Variants in ITGB4 observed in about 807,000 individuals in gnomAD.
ITGB4 encodes the protein integrin beta-4.
ITGB4 carries 159 observed loss-of-function variants against 207.6 expected under a neutral mutation model. The observed-to-expected ratio is 0.77, with a 90% CI of 0.67 to 0.87. ITGB4 has a LOEUF of 0.87. Among genes scored for constraint, ITGB4 ranks in the 40% least tolerant of loss-of-function variants. ITGB4 has a pLI of 0.00. For synonymous variants in ITGB4, 1,020 were observed against 1,062.7 expected (o/e 0.96, Z 0.78); for missense variants, 2,278 against 2,546.8 (o/e 0.89, Z 2.27).
chr17:75,749,634 G>C (rs1333259571), intron 27 of ITGB4, among the ~76,000 whole-genome samples: 1 of 152,182 alleles, frequency 6.6e-6, no homozygotes, highest in Non-Finnish European at 1.5e-5. Flanking sequence ...CCACACAATA[G>C]GAATTCTCCC....
intron 32 of ITGB4, 62 bp from the exon 33 acceptor site, chr17:75,753,703 C>A: frequency 8.6e-7 from 1 of 1,162,258 alleles, no homozygotes; most frequent in South Asian, 2.7e-5. Flanking sequence ...CCTTCCCCCG[C>A]CTGGCCCTGC....
In ITGB4 at chr17:75,740,382, T is replaced by C; in HGVS notation, c.2471T>C (p.Leu824Pro). 6.2e-7 allele frequency: 1 copy of C among 1,613,634 alleles called. No homozygotes were observed. The highest frequency in any genetic ancestry group is 8.5e-7 in the Non-Finnish European group (1 of 1,179,978). ...GTGCCCTACGGGCTGTCCTTGCGCC[T>C]GGCCCGCCTTTGCACCGAGAACCTG... is the stretch of plus-strand genomic sequence containing the variant. ...ELVPYGLSLR[L>P]ARLCTENLLK... The change falls in exon 21 of 40, where the codon CTG (leucine) becomes CCG (proline). Residue 824 changes from leucine to proline, a missense_variant. By Grantham distance (98) the Leu-to-Pro change is moderately conservative. Coordinates refer to ENST00000200181, the MANE Select transcript of ITGB4 (RefSeq NM_000213.5). This position sits in a 1 kb window ranked among gnomAD's most constrained non-coding sequence, Gnocchi z 5.9.
At position 75,730,249 on chromosome 17, in the gene ITGB4, T is replaced by C. The variant is rs1369320660; in HGVS notation, c.747T>C (p.Ile249=). The C allele has an allele frequency of 1.2e-6, 2 of 1,612,882 alleles. No homozygotes were observed. The highest frequency in any genetic ancestry group is 2.2e-5 in the South Asian group (2 of 91,072). Residue 249 remains isoleucine, a synonymous_variant, in exon 8 of 40, where the codon ATT becomes ATC. Transcript: ENST00000200181. ...ILQTAVCTRD[I]GWRPDSTHLL... The stretch of plus-strand genomic sequence containing the variant: ...CGCCTTGCCTTCCCCAGAGGGACAT[T>C]GGCTGGCGCCCGGACAGCACCCACC...
rs186515670 is a variant in ITGB4 at position 75,745,314 on chromosome 17, G to A, written c.3111+1453G>A. On this transcript the variant is annotated intron_variant, in intron 26 of 39. Transcript: ENST00000200181. ...AGGCTGAGGCAGGAAGATCACTTGA[G>A]GCCAGGAGGTTGAGGCTACAGTGAG... Among the ~76,000 whole-genome samples, 751 of 152,034 alleles carry A rather than the reference G, an allele frequency of 4.9e-3. 8 individuals are homozygous for A. The highest frequency in any genetic ancestry group is 0.016 in the African/African-American group (672 of 41,482).
At position 75,742,473 on chromosome 17, in the gene ITGB4, C is replaced by T. The variant is rs1386843272; in HGVS notation, c.2766C>T (p.Thr922=). 9.3e-6 allele frequency: 15 copies of T among 1,613,122 alleles called. No individual in the cohort carries two copies. Among genetic ancestry groups the T allele is most frequent in the Non-Finnish European group, 1.3e-5 (15 of 1,179,810 alleles). ...HDLKVAPGYY[T]LTADQDARGM... Reference sequence around the variant, plus strand: ...TCAAGGTGGCCCCCGGCTACTACACCCTCACTGCAGACCAGGGTAGGAGGG... The same window carrying T: ...TCAAGGTGGCCCCCGGCTACTACACTCTCACTGCAGACCAGGGTAGGAGGG... The change falls in exon 24 of 40, where the codon ACC becomes ACT. Residue 922 remains threonine, a synonymous_variant. Transcript: ENST00000200181. This position sits in a 1 kb window ranked among gnomAD's most constrained non-coding sequence, Gnocchi z 5.9.
chr17:75,755,859 T>C lies in ITGB4; in HGVS notation c.4708+9T>C, dbSNP rs1462051912. 6.2e-7 allele frequency: 1 copy of C among 1,601,032 alleles called. No homozygotes were observed. Among genetic ancestry groups the C allele is most frequent in the South Asian group, 1.1e-5 (1 of 90,860 alleles). ...CCAGCTGCTGAACGGCGGTGAGGCA[T>C]GGTGGCTGCCAGGCTGCGGGGTGCA... On this transcript the variant is annotated intron_variant, in intron 35 of 39. Transcript: ENST00000200181.
intron 26 of ITGB4, among the ~76,000 whole-genome samples, chr17:75,748,578 G>A (rs146808096): frequency 4.8e-4 from 72 of 150,966 alleles, no homozygotes; most frequent in African/African-American, 1.6e-3. Context: ...GATGAGGTGT[G>A]AGAATCATTT....
Position 75,751,093 on chromosome 17 carries a change from C to T in ITGB4, c.3775C>T (p.Leu1259=), listed in dbSNP as rs61735290. The change falls in exon 30 of 40, where the codon CTG becomes TTG. Residue 1259 remains leucine, a synonymous_variant. Coordinates refer to ENST00000200181, the MANE Select transcript of ITGB4 (RefSeq NM_000213.5). ...EITAYEVCYG[L]VNDDNRPIGP... ...CACAGCCTACGAGGTCTGCTATGGC[C>T]TGGTCAACGATGACAACCGTAAGAA... 9.3e-6 allele frequency: 15 copies of T among 1,613,718 alleles called. No individual in the cohort carries two copies. The highest frequency in any genetic ancestry group is 1.6e-4 in the Middle Eastern group (1 of 6,084).
chr17:75,730,906 T>A lies in ITGB4; in HGVS notation c.1034T>A (p.Leu345Gln). 1 of 1,613,808 alleles carries A rather than the reference T, an allele frequency of 6.2e-7. No individual in the cohort carries two copies. The highest frequency in any genetic ancestry group is 8.5e-7 in the Non-Finnish European group (1 of 1,179,946). ...KLHTYFPVSSLGVLQEDSSNI... is the reference protein window; with the variant it reads ...KLHTYFPVSSQGVLQEDSSNI... ...CACACCTATTTCCCTGTCTCCTCAC[T>A]GGGGGTGCTGCAGGAGGACTCGTCC... is the stretch of plus-strand genomic sequence containing the variant. The change falls in exon 9 of 40, where the codon CTG (leucine) becomes CAG (glutamine). Residue 345 changes from leucine (L) to glutamine (Q), a missense_variant. Transcript: ENST00000200181.
intron 27 of ITGB4, among the ~76,000 whole-genome samples, chr17:75,749,349 G>A (rs778623525): frequency 2.0e-5 from 3 of 151,950 alleles, no homozygotes; most frequent in Non-Finnish European, 4.4e-5. Context: ...GCAACATAGT[G>A]AGACCTCGTC....
intron 25 of ITGB4, 21 bp from the exon 26 acceptor site, chr17:75,743,692 A>C (rs779790462): frequency 1.2e-6 from 2 of 1,613,318 alleles, no homozygotes; most frequent in Non-Finnish European, 1.7e-6. Flanking sequence ...ACACTCTGAC[A>C]AATGCCCGGG....
chr17:75,724,904 C>G, intron 2 of ITGB4, 122 bp downstream of exon 2: 2 of 817,248 alleles, frequency 2.4e-6, no homozygotes, highest in Non-Finnish European at 4.1e-6. Flanking sequence ...CAACTGACCA[C>G]TGCCCACCTT....
Position 75,739,881 on chromosome 17 carries a change from T to C in ITGB4, c.2256T>C (p.Gly752=), listed in dbSNP as rs1322459343. 6.2e-6 allele frequency: 10 copies of C among 1,613,504 alleles called. No individual in the cohort carries two copies. In the East Asian group the frequency reaches 2.2e-4, roughly 36 times the overall value. The part of the protein sequence containing the change: ...CLALLPCCNR[G]HMVGFKEDHY... ...CGTGCTGAGGACCCCATCCTGCAGG[T>C]CACATGGTGGGCTTTAAGGAAGACC... Residue 752 remains glycine, a splice_region_variant and synonymous_variant, in exon 20 of 40, where the codon GGT becomes GGC. Coordinates refer to ENST00000200181, the MANE Select transcript of ITGB4 (RefSeq NM_000213.5). The surrounding 1 kb of genome is among the most constrained non-coding windows in gnomAD (Gnocchi z 5.4).
rs778353171 is a variant in ITGB4, at chr17:75,756,571, C to T, written c.4851C>T (p.Thr1617=). 2.5e-6 allele frequency: 4 copies of T among 1,613,130 alleles called. No homozygotes were observed. Among genetic ancestry groups the T allele is most frequent in the South Asian group, 2.2e-5 (2 of 91,086 alleles). The change falls in exon 36 of 40, where the codon ACC becomes ACT. Residue 1617 remains threonine (T), a synonymous_variant. Transcript: ENST00000200181. ...GCCGAGAGCGTGAGGGTGTCATCAC[C>T]ATTGAATCCCAGGTGCACCCGCAGA... ...GWGREREGVI[T]IESQVHPQSP... is the part of the protein sequence containing the mutation.
Position 75,740,744 on chromosome 17 carries a change from G to C in ITGB4, c.2551-49G>C, listed in dbSNP as rs748067049. 1.2e-5 allele frequency: 19 copies of C among 1,603,104 alleles called. No individual in the cohort carries two copies. Among genetic ancestry groups the C allele is most frequent in the Admixed American group, 1.7e-5 (1 of 59,996 alleles). On this transcript the variant is annotated intron_variant, in intron 21 of 39. Transcript: ENST00000200181. The surrounding 1 kb of genome is among the most constrained non-coding windows in gnomAD (Gnocchi z 5.9). ...CCCTGGGTCCCCAGCCTGAGGGCTT[G>C]CCACGGGGTGGCCTAGGCCCAGCCT...
At chr17:75,734,733 T>C (rs965655802) in intron 13 of ITGB4, among the ~76,000 whole-genome samples, 4 of 152,226 alleles carry the variant, frequency 2.6e-5, no homozygotes, top group Non-Finnish European at 5.9e-5. Flanking sequence ...TCTTCGACTG[T>C]CTGTCCCTGA....
At position 75,754,564 on chromosome 17, in the gene ITGB4, C is replaced by G. The variant is rs2061442210; in HGVS notation, c.4319-12C>G. On this transcript the variant is annotated splice_polypyrimidine_tract_variant and intron_variant, in intron 33 of 39. Transcript: ENST00000200181. ...GCAGGCCTGACCAAGGGACCCTGCT[C>G]TCCCCCTGCAGAGCACCTGGTGAAT... 1.2e-6 allele frequency: 2 copies of G among 1,613,420 alleles called. No homozygotes were observed. Among genetic ancestry groups the G allele is most frequent in the Non-Finnish European group, 8.5e-7 (1 of 1,179,972 alleles).
At chr17:75,751,224 G>C in intron 30 of ITGB4, 113 bp downstream of exon 30, 1 of 1,263,254 alleles carries the variant, frequency 7.9e-7, no homozygotes, top group Admixed American at 1.9e-5. Context: ...CAGGGCACTC[G>C]AGGCCTTCAT....
chr17:75,736,873 A>G (rs539429340), intron 16 of ITGB4, among the ~76,000 whole-genome samples, 179 bp downstream of exon 16: 16 of 152,150 alleles, frequency 1.1e-4, no homozygotes, highest in African/African-American at 3.4e-4. Flanking sequence ...CGAATCCCAG[A>G]AAAGGGTAAA....
Sources: allele counts gnomAD v4.1 joint callset (sites outside exome capture counted in the v4.1 genomes callset), GRCh38; gene constraint gnomAD v4.1.1; non-coding constraint Gnocchi (gnomAD v3.1); transcripts MANE v1.5; gene names NCBI Gene and HGNC (gene_info 2026-07-23, HGNC 2026-07-21).